Variants in ABCA3 observed in about 807,000 individuals in gnomAD.
ABCA3 encodes the protein ATP binding cassette subfamily A member 3, also known as phospholipid-transporting ATPase ABCA3.
A neutral mutation model predicts 172.8 loss-of-function variants in ABCA3; 88 were observed. The observed-to-expected ratio is 0.51, with a 90% CI of 0.43 to 0.61. The LOEUF (loss-of-function observed/expected upper bound fraction) is 0.61. Ranked by LOEUF, ABCA3 falls within the 20% of genes least tolerant of loss-of-function variation. ABCA3 has a pLI of 0.00. For synonymous variants in ABCA3, 1,066 were observed against 983.8 expected (o/e 1.08, Z -1.56); for missense variants, 2,164 against 2,301.0 (o/e 0.94, Z 1.22).
At chr16:2,309,118 T>C (rs1450447466) in intron 10 of ABCA3, among the ~76,000 whole-genome samples, 2 of 152,150 alleles carry the variant, frequency 1.3e-5, no homozygotes, top group Non-Finnish European at 2.9e-5. Flanking sequence ...GCTAATTTTT[T>C]GTATTTTTTA....
chr16:2,327,626 C>T lies in ABCA3; in HGVS notation c.-27+827G>A, dbSNP rs1197551732. 2.0e-5 allele frequency among the ~76,000 whole-genome samples: 3 copies of T among 152,292 alleles called. No homozygotes were observed. The East Asian group carries it at 5.8e-4, about 29-fold the overall frequency. ...CATGCTGGTGGGGCCATCAGTCACA[C>T]CCTCTCCTTGGCCCTAAAGACCGGC... On this transcript the variant is annotated intron_variant, in intron 3 of 32. Transcript: ENST00000301732.
chr16:2,317,794 G>A (rs770485558), intron 8 of ABCA3, 30 bp from the exon 9 acceptor site: 14 of 1,602,862 alleles, frequency 8.7e-6, no homozygotes, highest in African/African-American at 1.3e-5. Flanking sequence ...CGCTGCTGGG[G>A]GCCCGTCACT....
chr16:2,339,363 C>T (rs1479364140), intron 1 of ABCA3: 3 of 152,268 alleles, frequency 2.0e-5, no homozygotes, highest in Non-Finnish European at 4.4e-5. Context: ...GAGACGTCGT[C>T]CTGTTTTTCA....
At chr16:2,332,793 T>G in intron 1 of ABCA3, 1 of 693,874 alleles carries the variant, frequency 1.4e-6, no homozygotes, top group Admixed American at 2.8e-5. Context: ...AGGCTTGAAT[T>G]TGCCACCCAA....
chr16:2,320,968 C>T (rs150942054), intron 7 of ABCA3, among the ~76,000 whole-genome samples: 80 of 150,226 alleles, frequency 5.3e-4, no homozygotes, highest in African/African-American at 1.9e-3. Flanking sequence ...CAAAGGTTTT[C>T]CCCAGTCTGC....
chr16:2,277,462 A>G lies in ABCA3; in HGVS notation c.4983+135T>C. The G allele has an allele frequency of 1.1e-6, 1 of 910,272 alleles. No homozygotes were observed. The highest frequency in any genetic ancestry group is 1.4e-5 in the South Asian group (1 of 70,192). 56.4% of individuals were successfully genotyped at this position (910,272 alleles called of 1,614,324 possible). On this transcript the variant is annotated intron_variant, in intron 32 of 32. Transcript: ENST00000301732. This position sits in a 1 kb window ranked among gnomAD's most constrained non-coding sequence, Gnocchi z 5.3. ...TAAAACCCCCAAACCAGCACGTATC[A>G]GGCTGAGTGTTAGGGGAGAAATGGA...
chr16:2,316,490 C>A (rs369507260), intron 10 of ABCA3, among the ~76,000 whole-genome samples: 4 of 28,874 alleles, frequency 1.4e-4, no homozygotes, highest in East Asian at 4.4e-4. Flanking sequence ...ACTAAAAATG[C>A]AAAAAAAAAA....
At chr16:2,304,197 G>A (rs761211537) in intron 11 of ABCA3, 47 bp from the exon 12 acceptor site, 10 of 1,611,460 alleles carry the variant, frequency 6.2e-6, no homozygotes, top group South Asian at 2.2e-5. Context: ...CAGGCTGGGG[G>A]GCCCAGGGAC....
intron 12 of ABCA3, among the ~76,000 whole-genome samples, chr16:2,301,572 T>C (rs2141712839): frequency 6.6e-6 from 1 of 151,930 alleles, no homozygotes; most frequent in Middle Eastern, 3.4e-3. Flanking sequence ...TAGGTGCGTG[T>C]AGTGGTGGGT....
At position 2,278,291 on chromosome 16, in the gene ABCA3, TG is replaced by T; in HGVS notation, c.4714del (p.His1572ThrfsTer62). The T allele has an allele frequency of 6.2e-7, 1 of 1,607,798 alleles. No homozygotes were observed. ...AACCCACAGACCCAGGCTCTACCTG[TG>T]GGAGGTGATGATGATGGCCTTGCCA... ...ESGKAIIITS[H>X]SMEECEALCT... On this transcript the variant is annotated frameshift_variant, in exon 30 of 33. Coordinates refer to ENST00000301732, the MANE Select transcript of ABCA3 (RefSeq NM_001089.3). LOFTEE classifies it high-confidence loss of function. This position sits in a 1 kb window ranked among gnomAD's most constrained non-coding sequence, Gnocchi z 4.4.
At chr16:2,306,597 G>C (rs962368472) in intron 11 of ABCA3, among the ~76,000 whole-genome samples, 3 of 152,190 alleles carry the variant, frequency 2.0e-5, no homozygotes, top group Non-Finnish European at 4.4e-5. Flanking sequence ...CCCCAATGCA[G>C]CAATGTTGGG....
intron 10 of ABCA3, 123 bp from the exon 11 acceptor site, chr16:2,308,746 T>C: frequency 8.9e-7 from 1 of 1,122,136 alleles, no homozygotes; most frequent in East Asian, 2.6e-5. Flanking sequence ...TCCTGGCACT[T>C]GCCATCTACA....
chr16:2,290,250 G>C (rs1402378585), intron 19 of ABCA3, among the ~76,000 whole-genome samples: 1 of 152,160 alleles, frequency 6.6e-6, no homozygotes, highest in Non-Finnish European at 1.5e-5. Flanking sequence ...TCTGCTCAGA[G>C]ACACCAAGTG....
chr16:2,278,125 C>G lies in ABCA3; in HGVS notation c.4719-56G>C. On this transcript the variant is annotated intron_variant, in intron 30 of 32. Transcript: ENST00000301732. The surrounding 1 kb of genome is among the most constrained non-coding windows in gnomAD (Gnocchi z 4.4). ...TTGGGGTGCCAAAGGCTTGTGCAGA[C>G]AGGAAGGCATTGGCTCTCCGATCAG... The G allele has an allele frequency of 6.2e-7, 1 of 1,609,342 alleles. No individual in the cohort carries two copies. Among genetic ancestry groups the G allele is most frequent in the African/African-American group, 1.3e-5 (1 of 74,998 alleles).
At chr16:2,324,830 C>T (rs2093731805) in intron 5 of ABCA3, among the ~76,000 whole-genome samples, 1 of 152,156 alleles carries the variant, frequency 6.6e-6, no homozygotes, top group Non-Finnish European at 1.5e-5. Context: ...CCACCACCCA[C>T]CCTGCAGTGG....
chr16:2,293,997 G>GT (rs908359970), intron 18 of ABCA3, among the ~76,000 whole-genome samples: 114 of 151,086 alleles, frequency 7.5e-4, no homozygotes, highest in African/African-American at 2.7e-3. Context: ...TGATTCCCTG[G>GT]TTTTTTCTTT....
At chr16:2,298,690 G>A (rs1047157430) in intron 14 of ABCA3, 150 bp from the exon 15 acceptor site, 7 of 942,444 alleles carry the variant, frequency 7.4e-6, no homozygotes, top group Non-Finnish European at 9.5e-6. Flanking sequence ...CCACTGGGGT[G>A]GGCTTTGGCT....
chr16:2,315,790 A>G (rs1281312596), intron 10 of ABCA3, among the ~76,000 whole-genome samples: 1 of 151,334 alleles, frequency 6.6e-6, no homozygotes, highest in Non-Finnish European at 1.5e-5. Flanking sequence ...CAGCCTCCCA[A>G]GTAGCTAGGA....
intron 7 of ABCA3, among the ~76,000 whole-genome samples, chr16:2,321,265 C>A (rs2093725633): frequency 6.6e-6 from 1 of 152,184 alleles, no homozygotes; most frequent in South Asian, 2.1e-4. Context: ...GCTGGGTGAC[C>A]TGTCAAGGGC....
Sources: gnomAD v4.1 joint callset for allele counts (sites outside exome capture counted in the v4.1 genomes callset) on GRCh38, gnomAD v4.1.1 for gene constraint, Gnocchi (gnomAD v3.1) non-coding constraint, MANE v1.5 for transcripts, NCBI Gene and HGNC (gene_info 2026-07-23, HGNC 2026-07-21) for gene names.